Variants in BCL2L14 observed in about 807,000 individuals in gnomAD.
BCL2L14 encodes the protein BCL2 like 14, also known as apoptosis facilitator Bcl-2-like protein 14.
A neutral mutation model predicts 35.3 loss-of-function variants in BCL2L14; 27 were observed. That is an observed-to-expected ratio of 0.76 (90% CI 0.56 to 1.05). BCL2L14 has a LOEUF of 1.05. Among genes scored for constraint, BCL2L14 ranks in the 50% least tolerant of loss-of-function variants. The probability of loss-of-function intolerance (pLI) is 0.00; values close to 1 mark genes in which losing one functional copy is unlikely to be tolerated. For synonymous variants in BCL2L14, 139 were observed against 145.9 expected, an observed-to-expected ratio of 0.95 and a Z score of 0.34; for missense variants, 377 against 382.6, an observed-to-expected ratio of 0.99 and a Z score of 0.12.
At chr12:12,088,490 G>A (rs987650210) in intron 3 of BCL2L14, among the ~76,000 whole-genome samples, 1 of 152,146 alleles carries the variant, frequency 6.6e-6, no homozygotes, top group Non-Finnish European at 1.5e-5. Flanking sequence ...CTAGTCCCAG[G>A]TGGCCTTTTC....
intron 1 of BCL2L14, among the ~76,000 whole-genome samples, chr12:12,050,917 T>A (rs1948349752): frequency 6.6e-6 from 1 of 151,970 alleles, no homozygotes; most frequent in Non-Finnish European, 1.5e-5. Context: ...ATCCTGGGCC[T>A]CATGCAGCCC....
In BCL2L14 at chr12:12,061,188, C is replaced by T. The variant is rs567538081; in HGVS notation, c.-272+9341C>T. On this transcript the variant is annotated intron_variant, in intron 2 of 3. Transcript: ENST00000461264. ...TAAATTATCTGCTTCCCTGACTATT[C>T]CTGGGCTACAGCCACACCTAATTAC... is the stretch of plus-strand genomic sequence containing the variant. 3.3e-5 allele frequency among the ~76,000 whole-genome samples: 5 copies of T among 150,392 alleles called. No homozygotes were observed. In the South Asian group the frequency reaches 1.1e-3, roughly 33 times the overall value.
chr12:12,054,702 GC>G (rs1413174767), intron 2 of BCL2L14: 1 of 151,984 alleles, frequency 6.6e-6, no homozygotes, highest in Non-Finnish European at 1.5e-5. Context: ...TGTAATCCCA[GC>G]ACTTTGGGAG....
intron 4 of BCL2L14, 182 bp from the exon 5 acceptor site, chr12:12,094,482 A>T (rs1369687769): frequency 6.4e-7 from 1 of 1,561,858 alleles, no homozygotes; most frequent in African/African-American, 1.4e-5. Flanking sequence ...GAATTCACCG[A>T]GCAGTACATG....
intron 2 of BCL2L14, among the ~76,000 whole-genome samples, chr12:12,085,113 C>G (rs7972613): frequency 0.23 from 34,807 of 149,802 alleles, 4,265 homozygotes; most frequent in South Asian, 0.28. Context: ...AAGTCAATAC[C>G]CTGTACACAG....
intron 5 of BCL2L14, 77 bp downstream of exon 5, chr12:12,095,007 T>A: frequency 6.6e-7 from 1 of 1,515,094 alleles, no homozygotes; most frequent in Non-Finnish European, 8.7e-7. Context: ...TTTTTTTAAA[T>A]GAAGGGAACA....
At chr12:12,068,152 C>T (rs1035004170), upstream of BCL2L14, 7 of 398,544 alleles carry the variant, frequency 1.8e-5, no homozygotes, top group African/African-American at 1.4e-4. Context: ...ACCATGTTGC[C>T]CAGGCTGGTT....
intron 2 of BCL2L14, among the ~76,000 whole-genome samples, chr12:12,058,251 CT>C (rs1018950589): frequency 2.8e-5 from 4 of 142,328 alleles, no homozygotes; most frequent in African/African-American, 1.1e-4. Context: ...TGTGCCCAGA[CT>C]CTTTTTTTTT....
chr12:12,064,139 C>T (rs1207264556), intron 2 of BCL2L14, among the ~76,000 whole-genome samples: 1 of 152,010 alleles, frequency 6.6e-6, no homozygotes, highest in Non-Finnish European at 1.5e-5. Context: ...CATGAGCCAC[C>T]ACGTGTGGCC....
At chr12:12,077,264 G>A (rs549704405) in intron 1 of BCL2L14, among the ~76,000 whole-genome samples, 15 of 152,100 alleles carry the variant, frequency 9.9e-5, no homozygotes, top group Admixed American at 3.3e-4. Flanking sequence ...GCCTGAGGCC[G>A]GGCATGGTAG....
chr12:12,063,900 G>C (rs1048325208), intron 2 of BCL2L14, among the ~76,000 whole-genome samples: 2 of 150,880 alleles, frequency 1.3e-5, no homozygotes, highest in African/African-American at 2.4e-5. Flanking sequence ...ACCCCCACTC[G>C]TGCCCGCCAG....
intron 1 of BCL2L14, among the ~76,000 whole-genome samples, chr12:12,072,736 G>A (rs1282415579): frequency 1.3e-5 from 2 of 152,182 alleles, no homozygotes; most frequent in Non-Finnish European, 2.9e-5. Context: ...TCTGTAGGAA[G>A]AGCTGAAAGC....
At chr12:12,053,326 T>A (rs1452643467) in intron 2 of BCL2L14, among the ~76,000 whole-genome samples, 1 of 152,186 alleles carries the variant, frequency 6.6e-6, no homozygotes, top group East Asian at 1.9e-4. Context: ...TCCCTGCTTT[T>A]CTTCCTCGAA....
At chr12:12,068,943 A>G (rs1948625017), upstream of BCL2L14, among the ~76,000 whole-genome samples, 1 of 152,190 alleles carries the variant, frequency 6.6e-6, no homozygotes, top group African/African-American at 2.4e-5. Context: ...TTTCTGGGAA[A>G]AAGGTGGGGA....
chr12:12,082,868 AT>A (rs1487739086), intron 2 of BCL2L14, among the ~76,000 whole-genome samples: 1 of 152,154 alleles, frequency 6.6e-6, no homozygotes, highest in African/African-American at 2.4e-5. Context: ...TCGGTTTTAC[AT>A]TGAGCGTGAT....
At chr12:12,053,795 A>G (rs139496107) in intron 2 of BCL2L14, among the ~76,000 whole-genome samples, 2 of 152,296 alleles carry the variant, frequency 1.3e-5, no homozygotes, top group East Asian at 3.9e-4. Flanking sequence ...CATACTGATG[A>G]TTGAAGTGGA....
Position 12,079,565 on chromosome 12 carries a change from G to C in BCL2L14, c.260G>C (p.Gly87Ala). The C allele has an allele frequency of 6.2e-7, 1 of 1,614,182 alleles. No homozygotes were observed. The highest frequency in any genetic ancestry group is 8.5e-7 in the Non-Finnish European group (1 of 1,180,036). Reference sequence around the variant, plus strand: ...TCCAGTGAGAAGGCCATAAACCTTGGCAAGAAAAAGTCTTCTTGGAAAGCA... The same window carrying C: ...TCCAGTGAGAAGGCCATAAACCTTGCCAAGAAAAAGTCTTCTTGGAAAGCA... ...SQSSEKAINL[G>A]KKKSSWKAFF... Residue 87 changes from glycine to alanine, a missense_variant, in exon 2 of 6, where the codon GGC (glycine) becomes GCC (alanine). Coordinates refer to ENST00000308721, the MANE Select transcript of BCL2L14 (RefSeq NM_138723.2).
intron 2 of BCL2L14, chr12:12,055,049 A>G (rs1276096044): frequency 3.9e-5 from 6 of 152,208 alleles, no homozygotes; most frequent in Admixed American, 3.9e-4. Context: ...AATTACTCAT[A>G]GAGTCATAAA....
intron 1 of BCL2L14, 50 bp downstream of exon 1, chr12:12,071,187 C>T (rs1363635982): frequency 6.6e-6 from 1 of 152,202 alleles, no homozygotes; most frequent in African/African-American, 2.4e-5. Context: ...CAGGAGGACA[C>T]AGCCTGGTCT....
Sources: allele counts gnomAD v4.1 joint callset (sites outside exome capture counted in the v4.1 genomes callset), GRCh38; gene constraint gnomAD v4.1.1; transcripts MANE v1.5; gene names NCBI Gene and HGNC (gene_info 2026-07-23, HGNC 2026-07-21).